The following CYTH3 variants were observed in gnomAD, a reference collection of about 807,000 sequenced individuals.
CYTH3 encodes the protein cytohesin 3.
CYTH3 carries 23 observed loss-of-function variants against 55.1 expected under a neutral mutation model. That is an observed-to-expected ratio of 0.42 (90% confidence interval 0.30 to 0.59). CYTH3 has a LOEUF of 0.59. Ranked by LOEUF, CYTH3 falls within the 20% of genes least tolerant of loss-of-function variation. CYTH3 has a pLI of 0.20. For synonymous variants in CYTH3, 249 were observed against 194.9 expected (o/e 1.28, Z -2.31); for missense variants, 413 against 524.8 (o/e 0.79, Z 2.08).
chr7:6,233,462 C>G (rs898777966), intron 1 of CYTH3, among the ~76,000 whole-genome samples: 7 of 152,080 alleles, frequency 4.6e-5, no homozygotes, highest in African/African-American at 1.7e-4. Flanking sequence ...CGAGACCATC[C>G]TGGCTAACAC....
chr7:6,231,388 T>C (rs1245279384), intron 1 of CYTH3, among the ~76,000 whole-genome samples: 1 of 152,192 alleles, frequency 6.6e-6, no homozygotes, highest in Non-Finnish European at 1.5e-5. Flanking sequence ...CAAAGAGCCC[T>C]GCAGGAGGGC....
At chr7:6,253,474 G>A (rs540885714) in intron 1 of CYTH3, among the ~76,000 whole-genome samples, 16 of 152,028 alleles carry the variant, frequency 1.1e-4, no homozygotes, top group African/African-American at 3.6e-4. Flanking sequence ...CTCTCAAAGT[G>A]CTGAAATTAC....
chr7:6,222,571 C>G lies in CYTH3; in HGVS notation c.35-32040G>C, dbSNP rs974119015. Among the ~76,000 whole-genome samples the G allele has an allele frequency of 4.6e-5, 7 of 151,900 alleles. No homozygotes were observed. In the South Asian group the frequency reaches 1.2e-3, roughly 27 times the overall value. ...ACCATCCTGGTTAATACAGTGAAACCCCGTCTCTACTAAAAATATAAAAAC... is the reference window on the plus strand; with the variant it reads ...ACCATCCTGGTTAATACAGTGAAACGCCGTCTCTACTAAAAATATAAAAAC... On this transcript the variant is annotated intron_variant, in intron 1 of 12. Transcript: ENST00000350796.
chr7:6,244,613 C>A (rs1216371550), intron 1 of CYTH3, among the ~76,000 whole-genome samples: 8 of 152,170 alleles, frequency 5.3e-5, no homozygotes, highest in Admixed American at 5.2e-4. Context: ...TACCAGTATA[C>A]ACCATCACAC....
intron 1 of CYTH3, among the ~76,000 whole-genome samples, chr7:6,217,684 C>A (rs529663369): frequency 1.3e-5 from 2 of 152,268 alleles, no homozygotes; most frequent in African/African-American, 4.8e-5. Flanking sequence ...CCACCACCAT[C>A]AACCAACAAA....
chr7:6,173,331 C>G (rs1432754647), intron 6 of CYTH3, among the ~76,000 whole-genome samples: 1 of 152,134 alleles, frequency 6.6e-6, no homozygotes, highest in African/African-American at 2.4e-5. Context: ...CATGGAGCAC[C>G]AACGCCACGC....
At chr7:6,257,953 G>C (rs1780172998) in intron 1 of CYTH3, among the ~76,000 whole-genome samples, 1 of 152,098 alleles carries the variant, frequency 6.6e-6, no homozygotes, top group African/African-American at 2.4e-5. Flanking sequence ...GCTTAATTAA[G>C]AGCCATTGTG....
intron 1 of CYTH3, among the ~76,000 whole-genome samples, chr7:6,198,032 T>C (rs1350821052): frequency 6.8e-6 from 1 of 146,610 alleles, no homozygotes; most frequent in African/African-American, 2.6e-5. Flanking sequence ...AGTTTGAGGA[T>C]GCAGCGAGCT....
At chr7:6,168,607 C>T (rs929936291) in intron 9 of CYTH3, among the ~76,000 whole-genome samples, 1 of 152,212 alleles carries the variant, frequency 6.6e-6, no homozygotes, top group African/African-American at 2.4e-5. Context: ...ACTGAGGCCA[C>T]GCCAGCTGGA....
chr7:6,255,598 G>A (rs950058300), intron 1 of CYTH3, among the ~76,000 whole-genome samples: 2 of 151,994 alleles, frequency 1.3e-5, no homozygotes, highest in Non-Finnish European at 2.9e-5. Context: ...TAGTCCTGGG[G>A]GTCCAGCACC....
intron 1 of CYTH3, among the ~76,000 whole-genome samples, chr7:6,270,444 C>G (rs1283551557): frequency 1.3e-5 from 2 of 152,130 alleles, no homozygotes; most frequent in African/African-American, 2.4e-5. Flanking sequence ...TTAAATGATA[C>G]ACTTAAAACA....
At chr7:6,188,474 C>G (rs1010763943) in intron 2 of CYTH3, among the ~76,000 whole-genome samples, 2 of 152,100 alleles carry the variant, frequency 1.3e-5, no homozygotes, top group Non-Finnish European at 2.9e-5. Context: ...TGCCTGTGTT[C>G]CCAGGGAGAA....
intron 4 of CYTH3, among the ~76,000 whole-genome samples, chr7:6,182,168 C>G (rs1330016568): frequency 6.6e-6 from 1 of 152,142 alleles, no homozygotes; most frequent in South Asian, 2.1e-4. Context: ...CTGCCTCAGC[C>G]TCCCGAGTAG....
intron 1 of CYTH3, among the ~76,000 whole-genome samples, chr7:6,207,884 A>G (rs1784231091): frequency 6.9e-6 from 1 of 144,306 alleles, no homozygotes; most frequent in South Asian, 2.2e-4. Context: ...CAGAAAGCGG[A>G]GGTTGCAATG....
At chr7:6,187,333 T>C (rs543155952) in intron 3 of CYTH3, among the ~76,000 whole-genome samples, 1 of 152,346 alleles carries the variant, frequency 6.6e-6, no homozygotes, top group African/African-American at 2.4e-5. Flanking sequence ...AAAAAGCTAA[T>C]GATGCAAACC....
chr7:6,231,393 G>A (rs1188912917), intron 1 of CYTH3, among the ~76,000 whole-genome samples: 1 of 152,188 alleles, frequency 6.6e-6, no homozygotes. Context: ...AGCCCTGCAG[G>A]AGGGCAGAGC....
At chr7:6,253,270 T>G (rs1583198960) in intron 1 of CYTH3, among the ~76,000 whole-genome samples, 1 of 148,946 alleles carries the variant, frequency 6.7e-6, no homozygotes, top group African/African-American at 2.5e-5. Context: ...CAGGCTGGAG[T>G]GCACTGGCAG....
chr7:6,220,613 T>C (rs1017816927), intron 1 of CYTH3, among the ~76,000 whole-genome samples: 2 of 145,912 alleles, frequency 1.4e-5, no homozygotes, highest in African/African-American at 2.5e-5. Flanking sequence ...CTGGCAAAGA[T>C]GTGGACAATC....
rs1297992482 is a variant in CYTH3 at position 6,272,587 on chromosome 7, G to C, written c.-80C>G. ...GGCTGGGGACGCCGCCGGAGGGAGC[G>C]CGCAGGCGACCGGGCGGCTCCTCAG... On this transcript the variant is annotated 5_prime_UTR_variant, in exon 1 of 13. Coordinates refer to ENST00000350796, the MANE Select transcript of CYTH3 (RefSeq NM_004227.4). The C allele has an allele frequency of 8.2e-6, 9 of 1,096,984 alleles. No homozygotes were observed. Among genetic ancestry groups the C allele is most frequent in the East Asian group, 5.0e-5 (1 of 19,968 alleles). 68.0% of individuals were successfully genotyped at this position (1,096,984 alleles called of 1,614,324 possible).
Sources: allele counts gnomAD v4.1 joint callset (sites outside exome capture counted in the v4.1 genomes callset), GRCh38; gene constraint gnomAD v4.1.1; transcripts MANE v1.5; gene names NCBI Gene and HGNC (gene_info 2026-07-23, HGNC 2026-07-21).